Variants in CFAP61 observed in about 807,000 individuals in gnomAD.
The protein encoded by CFAP61 is cilia- and flagella-associated protein 61.
A neutral mutation model predicts 135.6 loss-of-function variants in CFAP61; 107 were observed. The ratio of observed to expected loss-of-function variants is 0.79; its 90% CI spans 0.67 to 0.93. CFAP61 has a LOEUF of 0.93. CFAP61 is among the 40% of genes least tolerant of loss of function. CFAP61 has a pLI of 0.00. For synonymous variants in CFAP61, 575 were observed against 578.5 expected, an observed-to-expected ratio of 0.99 and a Z score of 0.09; for missense variants, 1,507 against 1,556.2, an observed-to-expected ratio of 0.97 and a Z score of 0.53.
At chr20:20,344,750 G>C (rs986663534) in intron 26 of CFAP61, among the ~76,000 whole-genome samples, 1 of 152,078 alleles carries the variant, frequency 6.6e-6, no homozygotes, top group African/African-American at 2.4e-5. Flanking sequence ...CCACTGCTGG[G>C]TATATATCCA....
At chr20:20,098,889 A>G (rs778715937) in intron 8 of CFAP61, 75 bp downstream of exon 8, 2 of 1,286,748 alleles carry the variant, frequency 1.6e-6, no homozygotes, top group Non-Finnish European at 2.1e-6. Context: ...TCGCTAAGTG[A>G]TGGAACTAGA....
At chr20:20,289,446 A>G (rs1199559991) in intron 23 of CFAP61, among the ~76,000 whole-genome samples, 1 of 152,218 alleles carries the variant, frequency 6.6e-6, no homozygotes, top group Non-Finnish European at 1.5e-5. Flanking sequence ...TGAGTAATGC[A>G]GGGTTCCTTC....
At chr20:20,294,152 A>G (rs974570055) in intron 24 of CFAP61, among the ~76,000 whole-genome samples, 1 of 152,222 alleles carries the variant, frequency 6.6e-6, no homozygotes, top group Non-Finnish European at 1.5e-5. Context: ...GAAGGTTGCA[A>G]AATAATCGTC....
intron 8 of CFAP61, among the ~76,000 whole-genome samples, chr20:20,119,166 AT>A (rs1275822695): frequency 2.0e-5 from 3 of 152,184 alleles, no homozygotes; most frequent in African/African-American, 7.2e-5. Flanking sequence ...CTCCTCTTCA[AT>A]TTTTTTGAAG....
At chr20:20,139,256 G>C (rs902393108) in intron 8 of CFAP61, among the ~76,000 whole-genome samples, 1 of 152,218 alleles carries the variant, frequency 6.6e-6, no homozygotes. Context: ...TTTTTAAGGA[G>C]AGTAATGCAA....
At chr20:20,147,581 TGG>T in intron 9 of CFAP61, among the ~76,000 whole-genome samples, 1 of 152,254 alleles carries the variant, frequency 6.6e-6, no homozygotes, top group African/African-American at 2.4e-5. Flanking sequence ...CACTTTATGA[TGG>T]GATTATTTGT....
At chr20:20,338,445 G>T (rs2058321192) in intron 25 of CFAP61, among the ~76,000 whole-genome samples, 1 of 152,088 alleles carries the variant, frequency 6.6e-6, no homozygotes, top group Non-Finnish European at 1.5e-5. Flanking sequence ...AAACTAGAAT[G>T]CTTTTTGTTA....
In CFAP61 at chr20:20,126,011, T is replaced by C. The variant is rs570292209; in HGVS notation, c.860-16846T>C. Among the ~76,000 whole-genome samples the C allele has an allele frequency of 7.3e-4, 111 of 151,962 alleles. 1 individual carries two copies. Among genetic ancestry groups the C allele is most frequent in the African/African-American group, 2.5e-3 (104 of 41,220 alleles). On this transcript the variant is annotated intron_variant, in intron 8 of 26. Coordinates refer to ENST00000245957, the MANE Select transcript of CFAP61 (RefSeq NM_015585.4). ...ACTGCTGTTGCTTTAAAGTTTGTTTTGTCTGATATAAGAGTAGCTACCCCT... is the reference window on the plus strand; with the variant it reads ...ACTGCTGTTGCTTTAAAGTTTGTTTCGTCTGATATAAGAGTAGCTACCCCT...
chr20:20,117,992 G>C (rs565613019), intron 8 of CFAP61, among the ~76,000 whole-genome samples: 17 of 152,050 alleles, frequency 1.1e-4, no homozygotes, highest in Admixed American at 4.6e-4. Flanking sequence ...TTTTGGTGGG[G>C]TCTTTAGGTT....
At chr20:20,231,799 A>G (rs1019876672) in intron 18 of CFAP61, among the ~76,000 whole-genome samples, 2 of 152,174 alleles carry the variant, frequency 1.3e-5, no homozygotes, top group African/African-American at 4.8e-5. Context: ...AGCTTGTACT[A>G]TGGGGTAGAG....
intron 26 of CFAP61, among the ~76,000 whole-genome samples, chr20:20,355,274 G>GGA (rs2059050232): frequency 1.5e-4 from 20 of 132,270 alleles, no homozygotes; most frequent in African/African-American, 4.9e-4. Flanking sequence ...ACACTGTGAG[G>GGA]GGTGGTCACA....
intron 15 of CFAP61, among the ~76,000 whole-genome samples, chr20:20,192,893 T>C (rs777093945): frequency 3.3e-5 from 5 of 152,146 alleles, no homozygotes; most frequent in South Asian, 2.1e-4. Flanking sequence ...TCTTTGAGCT[T>C]GGAGAGTTTT....
chr20:20,106,049 TAA>T (rs138628144), intron 8 of CFAP61, among the ~76,000 whole-genome samples: 2 of 105,964 alleles, frequency 1.9e-5, no homozygotes, highest in Non-Finnish European at 3.5e-5. Context: ...TATATATATA[TAA>T]AATTTGATTT....
rs139930323 is a variant in CFAP61 at position 20,185,348 on chromosome 20, G to T, written c.1386-2582G>T. On this transcript the variant is annotated intron_variant, in intron 13 of 26. Coordinates refer to ENST00000245957, the MANE Select transcript of CFAP61 (RefSeq NM_015585.4). ...TGTCAGGAACAATGGCAGAAATGTGGAGAGACACTAGTATGCTGTTCCAGC... is the reference window on the plus strand; with the variant it reads ...TGTCAGGAACAATGGCAGAAATGTGTAGAGACACTAGTATGCTGTTCCAGC... 7.2e-4 allele frequency among the ~76,000 whole-genome samples: 110 copies of T among 152,330 alleles called. 1 individual carries two copies. The highest frequency in any genetic ancestry group is 2.5e-3 in the African/African-American group (104 of 41,576).
chr20:20,278,150 C>T (rs182790996), intron 22 of CFAP61, among the ~76,000 whole-genome samples: 1 of 152,316 alleles, frequency 6.6e-6, no homozygotes. Flanking sequence ...GACATTCTGT[C>T]AACTCATCAG....
chr20:20,196,255 G>A (rs1198954961), intron 15 of CFAP61, among the ~76,000 whole-genome samples: 4 of 152,134 alleles, frequency 2.6e-5, no homozygotes, highest in Admixed American at 6.5e-5. Context: ...GCAGTGTCAC[G>A]GAGCTGCTGT....
chr20:20,302,640 C>T lies in CFAP61; in HGVS notation c.3422+4254C>T, dbSNP rs991327584. Among the ~76,000 whole-genome samples the T allele has an allele frequency of 3.9e-5, 6 of 152,094 alleles. No homozygotes were observed. The East Asian group carries it at 9.6e-4, about 24-fold the overall frequency. ...TGGCTCCACTGCACTCCAGCCTGGGCGACAGAGTGAGACTGTGTCTCAAAA... is the reference window on the plus strand; with the variant it reads ...TGGCTCCACTGCACTCCAGCCTGGGTGACAGAGTGAGACTGTGTCTCAAAA... On this transcript the variant is annotated intron_variant, in intron 25 of 26. Coordinates refer to ENST00000245957, the MANE Select transcript of CFAP61 (RefSeq NM_015585.4).
At chr20:20,353,650 G>A (rs763238097) in intron 26 of CFAP61, among the ~76,000 whole-genome samples, 3 of 152,110 alleles carry the variant, frequency 2.0e-5, no homozygotes, top group Non-Finnish European at 2.9e-5. Context: ...TGGTAAAATT[G>A]GTTTTGTTAT....
At chr20:20,322,316 C>T (rs1163376179) in intron 25 of CFAP61, among the ~76,000 whole-genome samples, 2 of 152,130 alleles carry the variant, frequency 1.3e-5, no homozygotes, top group Admixed American at 6.6e-5. Context: ...CTGAAATGCT[C>T]GGATCAAATG....
Sources: allele counts gnomAD v4.1 joint callset (sites outside exome capture counted in the v4.1 genomes callset), GRCh38; gene constraint gnomAD v4.1.1; transcripts MANE v1.5; gene names NCBI Gene and HGNC (gene_info 2026-07-23, HGNC 2026-07-21).